Variants in TFDP1 observed in about 807,000 individuals in gnomAD.
TFDP1 encodes DRTF1-polypeptide 1.
In TFDP1, 6 loss-of-function variants were observed where a neutral mutation model predicts 48.0. The observed-to-expected ratio is 0.13, with a 90% CI of 0.07 to 0.25. The LOEUF (loss-of-function observed/expected upper bound fraction) is 0.25, where lower values mean the gene tolerates loss of function less well. TFDP1 is among the 10% of genes least tolerant of loss of function. TFDP1 has a pLI of 1.00. For missense variants in TFDP1, 335 were observed against 543.0 expected, an observed-to-expected ratio of 0.62 and a Z score of 3.81; for synonymous variants, 201 against 211.6, an observed-to-expected ratio of 0.95 and a Z score of 0.44.
chr13:113,590,181 C>T (rs1433236296), intron 2 of TFDP1, among the ~76,000 whole-genome samples: 9 of 152,174 alleles, frequency 5.9e-5, no homozygotes, highest in African/African-American at 1.9e-4. Flanking sequence ...TGGCTGTGGA[C>T]GTCACTGCCC....
intron 4 of TFDP1, among the ~76,000 whole-genome samples, chr13:113,624,216 C>A (rs2049064148): frequency 6.6e-6 from 1 of 152,132 alleles, no homozygotes; most frequent in Admixed American, 6.5e-5. Flanking sequence ...TCACCCTGCT[C>A]CGTCTGTGCT....
chr13:113,592,110 G>T (rs2048161373), intron 2 of TFDP1, among the ~76,000 whole-genome samples: 1 of 152,224 alleles, frequency 6.6e-6, no homozygotes, highest in Non-Finnish European at 1.5e-5. Flanking sequence ...ACTCAAGGAT[G>T]AAGAGTTATA....
intron 4 of TFDP1, among the ~76,000 whole-genome samples, chr13:113,630,010 T>C (rs2049291336): frequency 6.6e-6 from 1 of 152,186 alleles, no homozygotes; most frequent in African/African-American, 2.4e-5. Flanking sequence ...TGGCGGGTTC[T>C]CAGTCTGACA....
At chr13:113,586,579 A>G (rs571405164) in intron 2 of TFDP1, among the ~76,000 whole-genome samples, 4 of 152,326 alleles carry the variant, frequency 2.6e-5, no homozygotes, top group Admixed American at 1.3e-4. Context: ...ACTGAGTGAA[A>G]GGTGCTGTTG....
At chr13:113,606,362 G>A (rs548835511) in intron 2 of TFDP1, among the ~76,000 whole-genome samples, 1 of 152,302 alleles carries the variant, frequency 6.6e-6, no homozygotes, top group East Asian at 1.9e-4. Flanking sequence ...GAGCCTGGGA[G>A]TCCACCATCA....
At chr13:113,615,739 A>G (rs2140433259) in intron 3 of TFDP1, among the ~76,000 whole-genome samples, 1 of 152,280 alleles carries the variant, frequency 6.6e-6, no homozygotes, top group East Asian at 1.9e-4. Context: ...CCCCATCTCT[A>G]TAAAAAATTT....
chr13:113,633,123 G>A lies in TFDP1; in HGVS notation c.312G>A (p.Lys104=). ...PSDSSPWSAG[K]RNRKGEKNGK... ...TCTTTTCCTTTGTATTTTGAAGGAA[G>A]CGCAACAGGAAAGGAGAGAAGAATG... The change falls in exon 6 of 12, where the codon AAG becomes AAA. Residue 104 remains lysine, a synonymous_variant. Coordinates refer to ENST00000375370, the MANE Select transcript of TFDP1 (RefSeq NM_007111.5). This position sits in a 1 kb window ranked among gnomAD's most constrained non-coding sequence, Gnocchi z 4.5. 1 of 1,613,814 alleles carries A rather than the reference G, an allele frequency of 6.2e-7. No individual in the cohort carries two copies. The highest frequency in any genetic ancestry group is 1.1e-5 in the South Asian group (1 of 91,060).
intron 3 of TFDP1, among the ~76,000 whole-genome samples, chr13:113,622,710 CCTCTGTGGAAGGCA>C (rs1479748258): frequency 6.6e-6 from 1 of 152,230 alleles, no homozygotes; most frequent in Non-Finnish European, 1.5e-5. Flanking sequence ...AGAGCCGCAG[CCTCTGTGGAAGGCA>C]CACTCCTTCC....
chr13:113,625,431 T>C (rs1463940204), intron 4 of TFDP1, among the ~76,000 whole-genome samples: 16 of 80,966 alleles, frequency 2.0e-4, no homozygotes, highest in Admixed American at 4.2e-4. Flanking sequence ...TGTCCTCAGG[T>C]GTCTCTCACA....
Position 113,623,372 on chromosome 13 carries a change from G to A in TFDP1, c.186+86G>A, listed in dbSNP as rs976269251. On this transcript the variant is annotated intron_variant, in intron 4 of 11. Coordinates refer to ENST00000375370, the MANE Select transcript of TFDP1 (RefSeq NM_007111.5). This position sits in a 1 kb window ranked among gnomAD's most constrained non-coding sequence, Gnocchi z 5.2. ...CGTGTGGTTGGGGATGTTCCCAGGT[G>A]TGCCTGGATTTGGGCTCCAGTTGCA... is the stretch of plus-strand genomic sequence containing the variant. The A allele has an allele frequency of 3.2e-5, 42 of 1,322,942 alleles. No individual in the cohort carries two copies. The African/African-American group carries it at 3.6e-4, about 11-fold the overall frequency. The allele number at this position is 1,322,942 out of a possible 1,614,324, so 82.0% of individuals were successfully genotyped here.
intron 3 of TFDP1, among the ~76,000 whole-genome samples, chr13:113,622,531 G>C (rs2049020754): frequency 6.6e-6 from 1 of 152,214 alleles, no homozygotes; most frequent in Non-Finnish European, 1.5e-5. Context: ...GCCAGTTTTT[G>C]AACTTTATCA....
intron 3 of TFDP1, among the ~76,000 whole-genome samples, chr13:113,614,556 G>C (rs2048809762): frequency 6.6e-6 from 1 of 152,198 alleles, no homozygotes; most frequent in African/African-American, 2.4e-5. Flanking sequence ...GAGCTGTCCA[G>C]GTGAGAGTGG....
chr13:113,585,574 C>G, intron 1 of TFDP1, 200 bp from the exon 2 acceptor site: 1 of 372,564 alleles, frequency 2.7e-6, no homozygotes, highest in Non-Finnish European at 4.9e-6. Flanking sequence ...GGCCACTTTT[C>G]CGCAGGGGGC....
chr13:113,617,980 G>T (rs1243000516), intron 3 of TFDP1, among the ~76,000 whole-genome samples: 1 of 152,230 alleles, frequency 6.6e-6, no homozygotes, highest in East Asian at 1.9e-4. Context: ...TTCTTCCCAA[G>T]AAAGGAATTC....
At chr13:113,640,013 A>G (rs1027742220) in intron 11 of TFDP1, 107 bp from the exon 12 acceptor site, 1 of 809,314 alleles carries the variant, frequency 1.2e-6, no homozygotes, top group Non-Finnish European at 2.0e-6. Flanking sequence ...GACTGACAAA[A>G]CCCACACCTG....
chr13:113,604,450 A>G (rs1008440810), intron 2 of TFDP1, among the ~76,000 whole-genome samples: 1 of 152,254 alleles, frequency 6.6e-6, no homozygotes, highest in African/African-American at 2.4e-5. Context: ...TCCTAAGGGC[A>G]GGACACAGGG....
Position 113,634,525 on chromosome 13 carries a change from T to G in TFDP1, c.619-9T>G. 1 of 1,610,954 alleles carries G rather than the reference T, an allele frequency of 6.2e-7. No homozygotes were observed. Among genetic ancestry groups the G allele is most frequent in the East Asian group, 2.2e-5 (1 of 44,872 alleles). ...GATGATTCTTCACATGGGTGGTTTGTTTTTGAAGGTGGAAAGACAGAGGAG... is the reference window on the plus strand; with the variant it reads ...GATGATTCTTCACATGGGTGGTTTGGTTTTGAAGGTGGAAAGACAGAGGAG... On this transcript the variant is annotated splice_polypyrimidine_tract_variant and intron_variant, in intron 7 of 11. Transcript: ENST00000375370.
At chr13:113,640,089 C>G (rs756426659) in intron 11 of TFDP1, 31 bp from the exon 12 acceptor site, 1 of 1,546,490 alleles carries the variant, frequency 6.5e-7, no homozygotes, top group Non-Finnish European at 8.8e-7. Context: ...GCCGCCTGCA[C>G]TGACGGCGCC....
intron 2 of TFDP1, among the ~76,000 whole-genome samples, chr13:113,602,982 A>C (rs991684973): frequency 1.5e-5 from 2 of 137,302 alleles, no homozygotes; most frequent in Non-Finnish European, 3.0e-5. Flanking sequence ...AAAAAAAAAA[A>C]AAAACGTATA....
Sources: gnomAD v4.1 joint callset for allele counts (sites outside exome capture counted in the v4.1 genomes callset) on GRCh38, gnomAD v4.1.1 for gene constraint, Gnocchi (gnomAD v3.1) non-coding constraint, MANE v1.5 for transcripts, NCBI Gene and HGNC (gene_info 2026-07-23, HGNC 2026-07-21) for gene names.